Variants in EPC2 observed in about 807,000 individuals in gnomAD.
The protein encoded by EPC2 is enhancer of polycomb 2.
A neutral mutation model predicts 92.1 loss-of-function variants in EPC2; 14 were observed. The ratio of observed to expected loss-of-function variants is 0.15; its 90% CI spans 0.10 to 0.24. The LOEUF (loss-of-function observed/expected upper bound fraction) is 0.24, where lower values mean the gene tolerates loss of function less well. Among genes scored for constraint, EPC2 ranks in the 10% least tolerant of loss-of-function variants. EPC2 has a pLI of 1.00. For synonymous variants in EPC2, 340 were observed against 334.7 expected (o/e 1.02, Z -0.17); for missense variants, 755 against 971.5 (o/e 0.78, Z 2.96).
chr2:148,769,467 G>C (rs1158506568), intron 8 of EPC2, among the ~76,000 whole-genome samples: 1 of 152,130 alleles, frequency 6.6e-6, no homozygotes, highest in Non-Finnish European at 1.5e-5. Context: ...TAGAAATTTA[G>C]GTTCATTTTG....
intron 2 of EPC2, among the ~76,000 whole-genome samples, chr2:148,693,416 C>T (rs988214647): frequency 6.6e-6 from 1 of 152,106 alleles, no homozygotes. Context: ...CTATCCATTT[C>T]AAAATTTTCA....
At chr2:148,732,795 G>GT (rs544178206) in intron 2 of EPC2, among the ~76,000 whole-genome samples, 17 of 151,932 alleles carry the variant, frequency 1.1e-4, no homozygotes, top group Admixed American at 5.2e-4. Context: ...AAAATGATAA[G>GT]TTTTTTTATA....
At chr2:148,651,888 C>G (rs1680694715) in intron 1 of EPC2, among the ~76,000 whole-genome samples, 1 of 152,088 alleles carries the variant, frequency 6.6e-6, no homozygotes. Context: ...AAGTAACTCG[C>G]CTAAGATCAT....
chr2:148,691,517 A>G (rs1451672208), intron 2 of EPC2: 1 of 1,549,988 alleles, frequency 6.5e-7, no homozygotes, highest in Non-Finnish European at 8.7e-7. Flanking sequence ...ATTGATTCTG[A>G]GATGCACTGT....
intron 10 of EPC2, among the ~76,000 whole-genome samples, chr2:148,780,425 T>G (rs1683724818): frequency 6.6e-6 from 1 of 152,170 alleles, no homozygotes; most frequent in Admixed American, 6.5e-5. Flanking sequence ...TTTTTTTGAT[T>G]ATTCATGTGT....
chr2:148,743,028 T>C (rs1682908935), intron 2 of EPC2, among the ~76,000 whole-genome samples: 1 of 152,196 alleles, frequency 6.6e-6, no homozygotes, highest in Admixed American at 6.6e-5. Context: ...ATCAGTGTTA[T>C]GGCTTCTGAG....
rs887602289 is a variant in EPC2, at chr2:148,786,527, A to G, written c.*150A>G. 4.0e-6 allele frequency: 2 copies of G among 503,166 alleles called. No homozygotes were observed. The highest frequency in any genetic ancestry group is 4.4e-5 in the South Asian group (1 of 22,614). 31.2% of individuals were successfully genotyped at this position (503,166 alleles called of 1,614,324 possible). On this transcript the variant is annotated 3_prime_UTR_variant, in exon 14 of 14. Transcript: ENST00000258484. ...TGGATGTTAAATCCATATATGATGT[A>G]TATTTTGTAAAATTGGGAAAATCAC...
At chr2:148,645,789 C>A (rs1683786069) in intron 1 of EPC2, among the ~76,000 whole-genome samples, 1 of 152,126 alleles carries the variant, frequency 6.6e-6, no homozygotes, top group Non-Finnish European at 1.5e-5. Flanking sequence ...CCAGTTCTGC[C>A]GACCCGAGCC....
At chr2:148,690,469 T>C in intron 2 of EPC2, 96 bp downstream of exon 2, 8 of 1,101,338 alleles carry the variant, frequency 7.3e-6, no homozygotes, top group Non-Finnish European at 1.0e-5. Flanking sequence ...ATTTTTTAAT[T>C]CATACACACT....
intron 2 of EPC2, among the ~76,000 whole-genome samples, chr2:148,714,474 T>A (rs1450675841): frequency 6.6e-6 from 1 of 152,234 alleles, no homozygotes; most frequent in Non-Finnish European, 1.5e-5. Flanking sequence ...TCTAGGTCTT[T>A]GAGGCATTGC....
Position 148,644,962 on chromosome 2 carries a change from CCT to C in EPC2, c.-54_-53del. 9.5e-6 allele frequency: 14 copies of C among 1,469,706 alleles called. No individual in the cohort carries two copies. The South Asian group carries it at 1.5e-4, about 15-fold the overall frequency. 91.0% of individuals were successfully genotyped at this position (1,469,706 alleles called of 1,614,324 possible). ...GAGGAGGCGGCGGGAGTCCTCCCCC[CCT>C]CCCCGCCCGCCCCGCCGCCGCCGCC... On this transcript the variant is annotated 5_prime_UTR_variant, in exon 1 of 14. Transcript: ENST00000258484.
intron 1 of EPC2, among the ~76,000 whole-genome samples, chr2:148,679,148 A>G (rs1681339092): frequency 6.6e-6 from 1 of 152,212 alleles, no homozygotes; most frequent in African/African-American, 2.4e-5. Flanking sequence ...TATGTATCCA[A>G]AGAATTGCTT....
intron 1 of EPC2, among the ~76,000 whole-genome samples, chr2:148,661,862 C>T (rs1424394792): frequency 2.6e-5 from 4 of 152,110 alleles, no homozygotes; most frequent in African/African-American, 9.7e-5. Context: ...CTGAACCATA[C>T]TAGCTTTCCT....
At chr2:148,656,957 G>C (rs910896898) in intron 1 of EPC2, among the ~76,000 whole-genome samples, 2 of 152,126 alleles carry the variant, frequency 1.3e-5, no homozygotes, top group African/African-American at 4.8e-5. Context: ...AGTTTTTACA[G>C]ATTAGTCTTG....
chr2:148,785,340 A>G (rs183196300), intron 13 of EPC2, among the ~76,000 whole-genome samples: 28 of 146,380 alleles, frequency 1.9e-4, no homozygotes, highest in Admixed American at 9.5e-4. Flanking sequence ...TGCCCGCCCC[A>G]CCCCCGAGAT....
chr2:148,697,480 A>C (rs1681776055), intron 2 of EPC2, among the ~76,000 whole-genome samples: 1 of 152,216 alleles, frequency 6.6e-6, no homozygotes, highest in Non-Finnish European at 1.5e-5. Flanking sequence ...CAAAGGGAGA[A>C]ACTTGAAGAA....
rs143714331 is a variant in EPC2, at chr2:148,700,956, C to T, written c.313+10583C>T. Among the ~76,000 whole-genome samples the T allele has an allele frequency of 6.7e-4, 102 of 152,068 alleles. 1 individual carries two copies. Among genetic ancestry groups the T allele is most frequent in the African/African-American group, 2.4e-3 (99 of 41,508 alleles). On this transcript the variant is annotated intron_variant, in intron 2 of 13. Coordinates refer to ENST00000258484, the MANE Select transcript of EPC2 (RefSeq NM_015630.4). ...TTTTATTTCTTTCATCAGACTTTTG[C>T]GATTTTCCTCATATAGATCCTCTGC... is the stretch of plus-strand genomic sequence containing the variant.
intron 10 of EPC2, among the ~76,000 whole-genome samples, chr2:148,780,675 T>TAC (rs1178780039): frequency 2.6e-5 from 4 of 152,154 alleles, no homozygotes; most frequent in Non-Finnish European, 5.9e-5. Context: ...GCATTCTGCA[T>TAC]TATAGTAGAT....
At chr2:148,765,909 G>A (rs866402853) in intron 7 of EPC2, among the ~76,000 whole-genome samples, 4 of 152,196 alleles carry the variant, frequency 2.6e-5, no homozygotes, top group South Asian at 2.1e-4. Flanking sequence ...GGTGGCGGGC[G>A]CCTGTAGTCC....
Sources: gnomAD v4.1 joint callset for allele counts (sites outside exome capture counted in the v4.1 genomes callset) on GRCh38, gnomAD v4.1.1 for gene constraint, MANE v1.5 for transcripts, NCBI Gene and HGNC (gene_info 2026-07-23, HGNC 2026-07-21) for gene names.